The following EXT1 variants were observed in gnomAD, a reference collection of about 807,000 sequenced individuals.
The protein encoded by EXT1 is exostosin-1.
In EXT1, 20 loss-of-function variants were observed where a neutral mutation model predicts 82.5. The observed-to-expected ratio is 0.24, with a 90% CI of 0.17 to 0.35. EXT1 has a LOEUF of 0.35. Among genes scored for constraint, EXT1 ranks in the 10% least tolerant of loss-of-function variants. The pLI is 1.00. For missense variants in EXT1, 757 were observed against 936.5 expected, an observed-to-expected ratio of 0.81 and a Z score of 2.50; for synonymous variants, 348 against 350.8, an observed-to-expected ratio of 0.99 and a Z score of 0.09.
intron 1 of EXT1, among the ~76,000 whole-genome samples, chr8:118,083,282 G>A (rs1379906222): frequency 1.3e-5 from 2 of 152,220 alleles, no homozygotes; most frequent in African/African-American, 4.8e-5. Context: ...ATGCCTGAGT[G>A]AATAATCTAC....
At chr8:117,817,502 T>G (rs1319838800) in intron 7 of EXT1, among the ~76,000 whole-genome samples, 1 of 152,020 alleles carries the variant, frequency 6.6e-6, no homozygotes, top group East Asian at 1.9e-4. Context: ...ATGCGTAAGA[T>G]CTATAAGTAA....
intron 1 of EXT1, among the ~76,000 whole-genome samples, chr8:117,917,188 T>C (rs908164781): frequency 6.6e-5 from 10 of 152,184 alleles, no homozygotes; most frequent in African/African-American, 2.4e-4. Context: ...AAAACCTTCA[T>C]CCTGGCTGGG....
At chr8:117,897,323 T>A (rs1167913727) in intron 1 of EXT1, among the ~76,000 whole-genome samples, 1 of 152,116 alleles carries the variant, frequency 6.6e-6, no homozygotes, top group Non-Finnish European at 1.5e-5. Context: ...GGTGTGGCAG[T>A]CTTACTGTTA....
chr8:117,904,314 T>A (rs1474718460), intron 1 of EXT1, among the ~76,000 whole-genome samples: 1 of 152,222 alleles, frequency 6.6e-6, no homozygotes, highest in Non-Finnish European at 1.5e-5. Context: ...TTAGTTTTAT[T>A]TTTAAGCATG....
chr8:117,831,638 C>T (rs536556181), intron 3 of EXT1: 19 of 471,058 alleles, frequency 4.0e-5, no homozygotes, highest in South Asian at 2.2e-4. Context: ...ATGACTAATC[C>T]GACAGATATG....
chr8:117,984,972 C>T (rs1403674805), intron 1 of EXT1, among the ~76,000 whole-genome samples: 1 of 152,176 alleles, frequency 6.6e-6, no homozygotes, highest in African/African-American at 2.4e-5. Flanking sequence ...AGGCATCTCA[C>T]AGCTCTGACT....
intron 1 of EXT1, among the ~76,000 whole-genome samples, chr8:118,076,855 A>G (rs985222119): frequency 6.6e-6 from 1 of 152,150 alleles, no homozygotes; most frequent in Non-Finnish European, 1.5e-5. Context: ...ATAGAAAATC[A>G]AGAATTATTA....
intron 5 of EXT1, 51 bp from the exon 6 acceptor site, chr8:117,819,845 T>C: frequency 6.5e-7 from 1 of 1,544,632 alleles, no homozygotes; most frequent in Non-Finnish European, 8.9e-7. Flanking sequence ...AAGCAAGACT[T>C]AGAAAATTAC....
chr8:117,844,457 A>T (rs1461721815), intron 1 of EXT1, among the ~76,000 whole-genome samples: 1 of 152,094 alleles, frequency 6.6e-6, no homozygotes, highest in Admixed American at 6.6e-5. Flanking sequence ...CTGGCCTAAA[A>T]TTTCAGTTAT....
intron 10 of EXT1, 52 bp downstream of exon 10, chr8:117,804,670 G>A (rs1483331788): frequency 3.7e-6 from 6 of 1,604,784 alleles, no homozygotes; most frequent in Non-Finnish European, 5.1e-6. Flanking sequence ...TCATTACCTG[G>A]GGCTGAACCA....
At chr8:117,991,619 T>C (rs1166527932) in intron 1 of EXT1, among the ~76,000 whole-genome samples, 1 of 152,152 alleles carries the variant, frequency 6.6e-6, no homozygotes, top group Non-Finnish European at 1.5e-5. Context: ...TGGAGCGCAG[T>C]GGCATGATCT....
chr8:118,031,325 G>A (rs1466652350), intron 1 of EXT1, among the ~76,000 whole-genome samples: 1 of 152,094 alleles, frequency 6.6e-6, no homozygotes, highest in African/African-American at 2.4e-5. Context: ...GTTTGTTTGA[G>A]ACCAGCCTGG....
intron 1 of EXT1, among the ~76,000 whole-genome samples, chr8:117,934,426 A>G (rs1309529835): frequency 2.0e-5 from 3 of 152,174 alleles, no homozygotes; most frequent in Non-Finnish European, 4.4e-5. Flanking sequence ...GCCTGCCTGC[A>G]TGTTGCAAGA....
chr8:117,847,008 C>A (rs1185034076), intron 1 of EXT1, among the ~76,000 whole-genome samples: 1 of 152,114 alleles, frequency 6.6e-6, no homozygotes, highest in Non-Finnish European at 1.5e-5. Context: ...TATTAAGTTG[C>A]CCATTTTTCT....
At chr8:117,880,551 A>T (rs1260768669) in intron 1 of EXT1, among the ~76,000 whole-genome samples, 2 of 152,002 alleles carry the variant, frequency 1.3e-5, no homozygotes, top group African/African-American at 2.4e-5. Flanking sequence ...ATGAGTCACC[A>T]GAAAGTTTTA....
chr8:117,868,394 T>C (rs1404705798), intron 1 of EXT1, among the ~76,000 whole-genome samples: 5 of 152,206 alleles, frequency 3.3e-5, no homozygotes, highest in South Asian at 2.1e-4. Flanking sequence ...AGGGATGGTG[T>C]TGGGAATCAT....
intron 10 of EXT1, 79 bp from the exon 11 acceptor site, chr8:117,799,976 G>T: frequency 6.8e-7 from 1 of 1,468,146 alleles, no homozygotes; most frequent in Non-Finnish European, 9.4e-7. Context: ...AATGGAGTCA[G>T]GCAAATGAGC....
chr8:117,950,411 G>A (rs944047745), intron 1 of EXT1, among the ~76,000 whole-genome samples: 8 of 152,204 alleles, frequency 5.3e-5, no homozygotes, highest in South Asian at 2.1e-4. Flanking sequence ...GATTTACACT[G>A]AGTACTTTGT....
intron 1 of EXT1, among the ~76,000 whole-genome samples, chr8:117,922,537 T>C (rs964867339): frequency 1.2e-4 from 19 of 152,158 alleles, no homozygotes; most frequent in Admixed American, 8.5e-4. Context: ...CAGTAACCGA[T>C]CCACCTTTCT....
Sources: gnomAD v4.1 joint callset for allele counts (sites outside exome capture counted in the v4.1 genomes callset) on GRCh38, gnomAD v4.1.1 for gene constraint, MANE v1.5 for transcripts, NCBI Gene and HGNC (gene_info 2026-07-23, HGNC 2026-07-21) for gene names.